The following COBL variants were observed in gnomAD, a reference collection of about 807,000 sequenced individuals.
COBL encodes cordon-bleu WH2 repeat protein.
In COBL, 51 loss-of-function variants were observed where a neutral mutation model predicts 98.8. The observed-to-expected ratio is 0.52, with a 90% CI of 0.41 to 0.65. COBL has a LOEUF of 0.65. Ranked by LOEUF, COBL falls within the 30% of genes least tolerant of loss-of-function variation. The probability of loss-of-function intolerance (pLI) is 0.00; values close to 1 mark genes in which losing one functional copy is unlikely to be tolerated. For synonymous variants in COBL, 634 were observed against 651.7 expected (o/e 0.97, Z 0.41); for missense variants, 1,617 against 1,617.5 (o/e 1.00, Z 0.01).
At chr7:51,239,168 G>A (rs180852263) in intron 1 of COBL, among the ~76,000 whole-genome samples, 10 of 152,266 alleles carry the variant, frequency 6.6e-5, no homozygotes, top group Admixed American at 5.9e-4. Flanking sequence ...ATTCCATCTC[G>A]AATAGGGGCT....
At chr7:51,297,718 T>C (rs1273315135) in intron 1 of COBL, among the ~76,000 whole-genome samples, 1 of 152,166 alleles carries the variant, frequency 6.6e-6, no homozygotes, top group Non-Finnish European at 1.5e-5. Context: ...TAAACAACAA[T>C]ACATACTTCT....
chr7:51,287,045 G>A (rs576699119), intron 1 of COBL, among the ~76,000 whole-genome samples: 4 of 152,250 alleles, frequency 2.6e-5, no homozygotes, highest in Admixed American at 6.5e-5. Context: ...ACTTACAAGC[G>A]GGAGCTAAAC....
chr7:51,205,632 GT>G (rs1002329815), intron 2 of COBL, among the ~76,000 whole-genome samples: 1 of 133,570 alleles, frequency 7.5e-6, no homozygotes, highest in African/African-American at 2.8e-5. Flanking sequence ...GTTTGTTTTT[GT>G]TTTTTGGTTT....
At chr7:51,174,262 C>G (rs529710831) in intron 5 of COBL, among the ~76,000 whole-genome samples, 149 of 152,246 alleles carry the variant, frequency 9.8e-4, no homozygotes, top group Non-Finnish European at 1.6e-3. Flanking sequence ...GCCTAAGTTT[C>G]TTCCCTGCAA....
At chr7:51,096,013 A>C (rs1444973603) in intron 6 of COBL, among the ~76,000 whole-genome samples, 1 of 152,196 alleles carries the variant, frequency 6.6e-6, no homozygotes, top group Non-Finnish European at 1.5e-5. Flanking sequence ...GAGGACTTGA[A>C]CAACAATATA....
chr7:51,109,126 G>C (rs1245898766), intron 6 of COBL, among the ~76,000 whole-genome samples: 1 of 152,166 alleles, frequency 6.6e-6, no homozygotes, highest in Non-Finnish European at 1.5e-5. Flanking sequence ...GTTCCCACCA[G>C]GCAGCCTCTT....
chr7:51,018,466 TCTC>T (rs1433318626), intron 12 of COBL: 3 of 152,244 alleles, frequency 2.0e-5, no homozygotes, highest in Admixed American at 6.6e-5. Flanking sequence ...TCCATATCCC[TCTC>T]TTCTCTAGGT....
intron 7 of COBL, among the ~76,000 whole-genome samples, chr7:51,046,897 G>A (rs575896501): frequency 2.0e-5 from 3 of 152,290 alleles, no homozygotes; most frequent in East Asian, 3.9e-4. Flanking sequence ...TGTAAAATAA[G>A]CAGTTGGCTC....
At chr7:51,252,523 G>GT (rs1165873386) in intron 1 of COBL, among the ~76,000 whole-genome samples, 2 of 152,156 alleles carry the variant, frequency 1.3e-5, no homozygotes, top group Non-Finnish European at 2.9e-5. Context: ...TTAGCCTAAT[G>GT]TTTTGAAGGT....
At position 51,136,145 on chromosome 7, in the gene COBL, C is replaced by T. The variant is rs752721503; in HGVS notation, c.957+13G>A. 6.2e-7 allele frequency: 1 copy of T among 1,605,998 alleles called. No individual in the cohort carries two copies. Among genetic ancestry groups the T allele is most frequent in the Non-Finnish European group, 8.5e-7 (1 of 1,177,310 alleles). ...AAAGATGCTTTGGTTGTGAGAACAG[C>T]CCACTGCCCTACCTTTTCCGATGCC... On this transcript the variant is annotated intron_variant, in intron 6 of 12. Coordinates refer to ENST00000265136, the MANE Select transcript of COBL (RefSeq NM_015198.5).
chr7:51,295,701 G>A (rs1308483107), intron 1 of COBL, among the ~76,000 whole-genome samples: 1 of 152,208 alleles, frequency 6.6e-6, no homozygotes, highest in Non-Finnish European at 1.5e-5. Context: ...GGTCCCTACA[G>A]ATGATGTGTC....
At chr7:51,235,426 G>T (rs142800368) in intron 1 of COBL, among the ~76,000 whole-genome samples, 1 of 152,118 alleles carries the variant, frequency 6.6e-6, no homozygotes, top group East Asian at 1.9e-4. Context: ...CTCTTCCTAC[G>T]TCCAAGAACC....
chr7:51,250,587 T>A (rs1018670231), intron 1 of COBL, among the ~76,000 whole-genome samples: 1 of 152,246 alleles, frequency 6.6e-6, no homozygotes, highest in Admixed American at 6.5e-5. Context: ...TGTGCAAGTA[T>A]CTTTTATTGT....
intron 1 of COBL, among the ~76,000 whole-genome samples, chr7:51,271,061 G>A (rs149361442): frequency 8.8e-4 from 134 of 152,322 alleles, no homozygotes; most frequent in African/African-American, 3.2e-3. Flanking sequence ...GCTACTCCCA[G>A]GAATGCTTGG....
intron 1 of COBL, among the ~76,000 whole-genome samples, chr7:51,314,289 G>A (rs888043283): frequency 2.0e-5 from 3 of 152,190 alleles, no homozygotes; most frequent in African/African-American, 7.2e-5. Flanking sequence ...ACATCAGTTT[G>A]TTATCATGTG....
chr7:51,041,018 C>T (rs1241716055), intron 8 of COBL, among the ~76,000 whole-genome samples: 4 of 152,136 alleles, frequency 2.6e-5, no homozygotes, highest in African/African-American at 7.2e-5. Context: ...GCAGAACAGA[C>T]GTGGAGATTA....
intron 7 of COBL, among the ~76,000 whole-genome samples, chr7:51,055,363 C>T (rs1790639003): frequency 6.6e-6 from 1 of 152,208 alleles, no homozygotes; most frequent in Non-Finnish European, 1.5e-5. Flanking sequence ...ATCCACAAGG[C>T]CGAATTCCTC....
chr7:51,099,204 A>G (rs1795589206), intron 6 of COBL, among the ~76,000 whole-genome samples: 1 of 152,186 alleles, frequency 6.6e-6, no homozygotes, highest in South Asian at 2.1e-4. Flanking sequence ...GAATAAGTAT[A>G]AAGTACCTCA....
At chr7:51,275,010 G>A (rs1799162319) in intron 1 of COBL, among the ~76,000 whole-genome samples, 1 of 152,222 alleles carries the variant, frequency 6.6e-6, no homozygotes, top group Non-Finnish European at 1.5e-5. Context: ...ATCTGGCCGT[G>A]CAATTCAACT....
Sources: allele counts gnomAD v4.1 joint callset (sites outside exome capture counted in the v4.1 genomes callset), GRCh38; gene constraint gnomAD v4.1.1; transcripts MANE v1.5; gene names NCBI Gene and HGNC (gene_info 2026-07-23, HGNC 2026-07-21).